ADGRE2: variants seen among roughly 807,000 people sequenced by gnomAD.
ADGRE2 encodes CD97 antigen.
In ADGRE2, 83 loss-of-function variants were observed where a neutral mutation model predicts 100.8. The observed-to-expected ratio is 0.82, with a 90% CI of 0.69 to 0.99. ADGRE2 has a LOEUF of 0.99. ADGRE2 is among the 50% of genes least tolerant of loss of function. ADGRE2 has a pLI of 0.00. For synonymous variants in ADGRE2, 355 were observed against 413.0 expected, an observed-to-expected ratio of 0.86 and a Z score of 1.70; for missense variants, 814 against 1,035.7, an observed-to-expected ratio of 0.79 and a Z score of 2.94.
intron 11 of ADGRE2, among the ~76,000 whole-genome samples, chr19:14,761,618 C>G (rs1284638943): frequency 6.6e-6 from 1 of 151,750 alleles, no homozygotes; most frequent in Non-Finnish European, 1.5e-5. Context: ...GGCAAGCAAG[C>G]TGGAAGCCTG....
chr19:14,774,902 G>A (rs12461047), intron 2 of ADGRE2, among the ~76,000 whole-genome samples: 3 of 149,620 alleles, frequency 2.0e-5, no homozygotes, highest in Admixed American at 6.7e-5. Flanking sequence ...TCGAACTCCT[G>A]ACCTCAGGTG....
intron 11 of ADGRE2, among the ~76,000 whole-genome samples, chr19:14,756,890 G>A (rs1196917393): frequency 2.0e-5 from 3 of 150,756 alleles, no homozygotes; most frequent in Admixed American, 6.7e-5. Context: ...GGAGACTCAA[G>A]ACTTATAGGA....
chr19:14,751,889 G>A (rs1425027124), intron 15 of ADGRE2, among the ~76,000 whole-genome samples: 7 of 136,734 alleles, frequency 5.1e-5, no homozygotes, highest in South Asian at 2.3e-4. Flanking sequence ...GTATATATAC[G>A]TATACACACA....
rs569086240 is a variant in ADGRE2, at chr19:14,767,332, G to A, written c.356-223C>T. Among the ~76,000 whole-genome samples, 393 of 151,562 alleles carry A rather than the reference G, an allele frequency of 2.6e-3. 2 individuals carry two copies. Among genetic ancestry groups the A allele is most frequent in the Middle Eastern group, 0.014 (4 of 294 alleles). On this transcript the variant is annotated intron_variant, in intron 5 of 20. Coordinates refer to ENST00000315576, the MANE Select transcript of ADGRE2 (RefSeq NM_013447.4). ...CAACTCACTGCAACCTCCGCCTCCC[G>A]GGTTCACGCCATTCTCCTGCCTCAG...
At chr19:14,765,036 G>A (rs939109867) in intron 10 of ADGRE2, among the ~76,000 whole-genome samples, 1 of 152,126 alleles carries the variant, frequency 6.6e-6, no homozygotes, top group African/African-American at 2.4e-5. Flanking sequence ...GACATTGGAT[G>A]GGATTCCCTA....
chr19:14,773,430 G>A (rs796738727), intron 4 of ADGRE2, among the ~76,000 whole-genome samples: 60 of 137,764 alleles, frequency 4.4e-4, no homozygotes, highest in African/African-American at 1.6e-3. Context: ...TTTTGAGATG[G>A]GGTCTTGCTC....
At chr19:14,765,278 C>T (rs2043912219) in intron 10 of ADGRE2, 42 bp downstream of exon 10, 1 of 1,611,440 alleles carries the variant, frequency 6.2e-7, no homozygotes, top group Non-Finnish European at 8.5e-7. Flanking sequence ...GGGATGCAGC[C>T]ACCTTCCTGC....
chr19:14,731,071 C>T, downstream of ADGRE2: 2 of 980,558 alleles, frequency 2.0e-6, no homozygotes, highest in Non-Finnish European at 1.6e-6. Flanking sequence ...GCCCTGGTCT[C>T]AAGCACCGCC....
chr19:14,728,380 T>C (rs1237555965), downstream of ADGRE2, among the ~76,000 whole-genome samples: 1 of 152,230 alleles, frequency 6.6e-6, no homozygotes, highest in Non-Finnish European at 1.5e-5. Context: ...TCTGTTTCTC[T>C]GAGGTCTGGC....
In ADGRE2 at chr19:14,756,258, G is replaced by A. The variant is rs1190188459; in HGVS notation, c.1172C>T (p.Ala391Val). The change falls in exon 12 of 21, where the codon GCA becomes GTA. Residue 391 changes from alanine to valine, a missense_variant. Physicochemically the swap from Ala to Val is moderately conservative, Grantham distance 64. Transcript: ENST00000315576. ...ATTACCTGGGTCACCAGATTTCTGT[G>A]CCTGATTCCAGTCGAGCTGCATCAC... ...QAVMQLDWNQ[A>V]QKSGDPGPSV... is the part of the protein sequence containing the mutation. 1.9e-6 allele frequency: 3 copies of A among 1,613,784 alleles called. No homozygotes were observed. The highest frequency in any genetic ancestry group is 2.5e-6 in the Non-Finnish European group (3 of 1,179,826).
chr19:14,762,443 T>C (rs1366636863), intron 11 of ADGRE2, among the ~76,000 whole-genome samples: 3 of 151,980 alleles, frequency 2.0e-5, no homozygotes, highest in African/African-American at 4.8e-5. Context: ...GGAAAATCCA[T>C]GGAAACAGAA....
chr19:14,729,867 G>T (rs1302218504), downstream of ADGRE2, among the ~76,000 whole-genome samples: 1 of 152,128 alleles, frequency 6.6e-6, no homozygotes, highest in Admixed American at 6.5e-5. Flanking sequence ...ACATCATGTT[G>T]CTCTTGATAA....
intron 5 of ADGRE2, among the ~76,000 whole-genome samples, chr19:14,770,689 T>TC (rs2044172992): frequency 1.5e-5 from 2 of 134,892 alleles, no homozygotes; most frequent in Non-Finnish European, 3.2e-5. Context: ...TTTTTTTTTT[T>TC]TTTTTTTTGA....
rs1274377652 is a variant in ADGRE2, at chr19:14,764,560, C to G, written c.957G>C (p.Glu319Asp). ...DELLEAPGDL[E>D]TLPRLQQHCV... is the part of the protein sequence containing the mutation. ...AGTGCTGCTGTAAGCGGGGCAGGGT[C>G]TCCAGGTCCCCAGGGGCCTCCAGCA... Residue 319 changes from glutamate (E) to aspartate (D), a missense_variant, in exon 11 of 21, where the codon GAG (glutamate) becomes GAC (aspartate). By Grantham distance (45) the Glu-to-Asp change is conservative (BLOSUM62 2). Transcript: ENST00000315576. 1 of 1,612,884 alleles carries G rather than the reference C, an allele frequency of 6.2e-7. No individual in the cohort carries two copies. Among genetic ancestry groups the G allele is most frequent in the South Asian group, 1.1e-5 (1 of 91,070 alleles).
At chr19:14,765,255 C>G (rs1179927138) in intron 10 of ADGRE2, 65 bp downstream of exon 10, 2 of 1,586,598 alleles carry the variant, frequency 1.3e-6, no homozygotes, top group Non-Finnish European at 8.7e-7. Flanking sequence ...CCCAAACTGC[C>G]CCAGGCCTCT....
intron 16 of ADGRE2, 56 bp from the exon 17 acceptor site, chr19:14,747,018 A>T: frequency 7.1e-7 from 1 of 1,410,606 alleles, no homozygotes; most frequent in Non-Finnish European, 9.9e-7. Context: ...TGGAACAGTT[A>T]TGTAAATCTA....
At chr19:14,726,139 C>T in the ADGRE2 span, among the ~76,000 whole-genome samples, 27 of 152,216 alleles carry the variant, frequency 1.8e-4, no homozygotes, top group Admixed American at 1.8e-3. Context: ...AAGCTTACAG[C>T]TTGCAACCTG....
Position 14,773,926 on chromosome 19 carries a change from A to G in ADGRE2, c.199+12T>C, listed in dbSNP as rs200201104. On this transcript the variant is annotated intron_variant, in intron 4 of 20. Transcript: ENST00000315576. ...CGCAGATGTCCCCTGCGCTGCCCTC[A>G]AGCCTCTGTACCGTCACAAGTCTCC... 3.1e-6 allele frequency: 5 copies of G among 1,613,072 alleles called. No individual in the cohort carries two copies. In the African/African-American group the frequency reaches 6.7e-5, roughly 22 times the overall value.
In ADGRE2 at chr19:14,766,366, G is replaced by T. The variant is rs1414473356; in HGVS notation, c.503C>A (p.Thr168Asn). ...GCTGTGGCATGGGTTTTGTCCGGAG[G>T]TGCATTCATTCACATCTGAGGACAA... The part of the protein sequence containing the change: ...PKLCTDVNEC[T>N]SGQNPCHSST... The change falls in exon 7 of 21, where the codon ACC becomes AAC. Residue 168 changes from threonine to asparagine, a missense_variant. Coordinates refer to ENST00000315576, the MANE Select transcript of ADGRE2 (RefSeq NM_013447.4). 3 of 1,613,858 alleles carry T rather than the reference G, an allele frequency of 1.9e-6. No homozygotes were observed. The highest frequency in any genetic ancestry group is 2.2e-5 in the South Asian group (2 of 91,064).
Sources: gnomAD v4.1 joint callset for allele counts (sites outside exome capture counted in the v4.1 genomes callset) on GRCh38, gnomAD v4.1.1 for gene constraint, MANE v1.5 for transcripts, NCBI Gene and HGNC (gene_info 2026-07-23, HGNC 2026-07-21) for gene names.